Variants in FZD3 observed in about 807,000 individuals in gnomAD.
FZD3 encodes frizzled class receptor 3.
FZD3 carries 30 observed loss-of-function variants against 60.7 expected under a neutral mutation model. The observed-to-expected ratio is 0.49, with a 90% CI of 0.37 to 0.67. The LOEUF is 0.67. Among genes scored for constraint, FZD3 ranks in the 30% least tolerant of loss-of-function variants. The probability of loss-of-function intolerance (pLI) is 0.00; values close to 1 mark genes in which losing one functional copy is unlikely to be tolerated. For synonymous variants in FZD3, 246 were observed against 275.2 expected, an observed-to-expected ratio of 0.89 and a Z score of 1.05; for missense variants, 605 against 838.7, an observed-to-expected ratio of 0.72 and a Z score of 3.44.
rs949057499 is a variant in FZD3, at chr8:28,537,922, G to A, written c.1404+9758G>A. Among the ~76,000 whole-genome samples the A allele has an allele frequency of 1.6e-4, 25 of 152,064 alleles. No individual in the cohort carries two copies. The East Asian group carries it at 4.1e-3, about 25-fold the overall frequency. On this transcript the variant is annotated intron_variant, in intron 5 of 7. Transcript: ENST00000240093. ...ACCTGAGGTCAGGAGTTCAAGACTAGCCTGACCAATATGGTGAAACCCCGA... is the reference window on the plus strand; with the variant it reads ...ACCTGAGGTCAGGAGTTCAAGACTAACCTGACCAATATGGTGAAACCCCGA...
At chr8:28,522,114 T>C (rs1041280824) in intron 4 of FZD3, among the ~76,000 whole-genome samples, 4 of 151,114 alleles carry the variant, frequency 2.6e-5, no homozygotes, top group South Asian at 4.2e-4. Flanking sequence ...CTTTTTTTTT[T>C]TTTTTTTTGA....
At chr8:28,530,089 CTGTGTGTGTGTGTGTGTG>C (rs59022036) in intron 5 of FZD3, among the ~76,000 whole-genome samples, 5,039 of 138,542 alleles carry the variant, frequency 0.036, 288 homozygotes, top group African/African-American at 0.12. Context: ...TGAAATATAT[CTGTGTGTGTGTGTGTGTG>C]TGTGTGTGTG....
In FZD3 at chr8:28,502,837, C is replaced by T. The variant is rs997519243; in HGVS notation, c.-177C>T. The T allele has an allele frequency of 2.4e-6, 1 of 413,240 alleles. No individual in the cohort carries two copies. Among genetic ancestry groups the T allele is most frequent in the Admixed American group, 4.2e-5 (1 of 23,822 alleles). 25.6% of individuals were successfully genotyped at this position (413,240 alleles called of 1,614,324 possible). A position where few individuals can be genotyped will look rare whatever the true frequency, so the allele number is the denominator to read the frequency against. On this transcript the variant is annotated 5_prime_UTR_variant, in exon 3 of 8. Coordinates refer to ENST00000240093, the MANE Select transcript of FZD3 (RefSeq NM_017412.4). ...ATATTGTGAAACCAAAAACAAACGC[C>T]TTTTGTGAGACCAAGCTAACAAACC...
At chr8:28,500,134 C>T (rs1803950022) in intron 2 of FZD3, among the ~76,000 whole-genome samples, 156 bp downstream of exon 2, 1 of 152,158 alleles carries the variant, frequency 6.6e-6, no homozygotes, top group Admixed American at 6.5e-5. Context: ...TCACTGAATT[C>T]CACTGCTGTT....
At position 28,562,811 on chromosome 8, in the gene FZD3, A is replaced by G; in HGVS notation, c.1801A>G (p.Ser601Gly). The G allele has an allele frequency of 6.2e-7, 1 of 1,606,068 alleles. No homozygotes were observed. Among genetic ancestry groups the G allele is most frequent in the Non-Finnish European group, 8.5e-7 (1 of 1,173,810 alleles). ...CTCTCATGACAGGTACACGCCCTGC[A>G]GTTACAGAGGAATGGAGGAGAGACT... ...RSRDGRYTPC[S>G]YRGMEERLPH... Residue 601 changes from serine (S) to glycine (G), a missense_variant, in exon 8 of 8, where the codon AGT becomes GGT. Physicochemically the swap from Ser to Gly is moderately conservative, Grantham distance 56. Coordinates refer to ENST00000240093, the MANE Select transcript of FZD3 (RefSeq NM_017412.4).
At chr8:28,535,650 T>A (rs1306233188) in intron 5 of FZD3, among the ~76,000 whole-genome samples, 1 of 152,164 alleles carries the variant, frequency 6.6e-6, no homozygotes, top group Non-Finnish European at 1.5e-5. Context: ...AAAAGTAGTA[T>A]TGAATGCCTA....
chr8:28,527,760 A>G lies in FZD3; in HGVS notation c.1000A>G (p.Ser334Gly). The G allele has an allele frequency of 6.2e-7, 1 of 1,614,198 alleles. No individual in the cohort carries two copies. Among genetic ancestry groups the G allele is most frequent in the South Asian group, 1.1e-5 (1 of 91,084 alleles). The change falls in exon 5 of 8, where the codon AGT becomes GGT. Residue 334 changes from serine (S) to glycine (G), a missense_variant. By Grantham distance (56) the Ser-to-Gly change is moderately conservative. Transcript: ENST00000240093. This position sits in a 1 kb window ranked among gnomAD's most constrained non-coding sequence, Gnocchi z 5.0. ...IEKKALLFHA[S>G]AWGIPGTLTI... ...GAAGAAAGCATTGCTGTTTCACGCC[A>G]GTGCATGGGGCATCCCCGGAACTCT...
intron 3 of FZD3, among the ~76,000 whole-genome samples, chr8:28,507,789 ATTTT>A (rs71222555): frequency 6.8e-6 from 1 of 146,830 alleles, no homozygotes; most frequent in African/African-American, 2.5e-5. Flanking sequence ...GAACTCAAGG[ATTTT>A]TTTTTTTTTT....
rs559605730 is a variant in FZD3 at position 28,573,426 on chromosome 8, A to T, written c.*10415A>T. 6.6e-6 allele frequency: 1 copy of T among 152,040 alleles called. No homozygotes were observed. The highest frequency in any genetic ancestry group is 1.9e-4 in the East Asian group (1 of 5,190). The allele number at this position is 152,040 out of a possible 1,614,324, so 9.4% of individuals were successfully genotyped here. A position where few individuals can be genotyped will look rare whatever the true frequency, so the allele number is the denominator to read the frequency against. ...CTATTTTGAGGCAAGAGATACCATT[A>T]AGTGACCTAGCTTGGAAATCTGCCC... On this transcript the variant is annotated 3_prime_UTR_variant, in exon 8 of 8. Transcript: ENST00000240093.
intron 3 of FZD3, among the ~76,000 whole-genome samples, chr8:28,517,933 T>G (rs1804474968): frequency 6.6e-6 from 1 of 152,208 alleles, no homozygotes; most frequent in African/African-American, 2.4e-5. Context: ...TTTTACTAAG[T>G]GCTAGACGTT....
intron 3 of FZD3, among the ~76,000 whole-genome samples, chr8:28,503,611 A>C (rs1046199594): frequency 1.3e-5 from 2 of 152,214 alleles, no homozygotes; most frequent in African/African-American, 4.8e-5. Flanking sequence ...GACATTTCTT[A>C]ATTATTTTAG....
chr8:28,494,591 C>T (rs1803785799), intron 1 of FZD3, among the ~76,000 whole-genome samples: 1 of 151,920 alleles, frequency 6.6e-6, no homozygotes. Context: ...CGGCTGGGGG[C>T]CTCGGGGACG....
rs570707638 is a variant in FZD3 at position 28,572,065 on chromosome 8, A to G, written c.*9054A>G. The G allele has an allele frequency of 6.6e-6, 1 of 151,884 alleles. No homozygotes were observed. Among genetic ancestry groups the G allele is most frequent in the East Asian group, 1.9e-4 (1 of 5,182 alleles). 9.4% of individuals were successfully genotyped at this position (151,884 alleles called of 1,614,324 possible). On this transcript the variant is annotated 3_prime_UTR_variant, in exon 8 of 8. Coordinates refer to ENST00000240093, the MANE Select transcript of FZD3 (RefSeq NM_017412.4). ...GTGTTTTTTGAGGCTTTTTTGTTTTATCTTGTTTTCTTAACTTTTTACAGT... is the reference window on the plus strand; with the variant it reads ...GTGTTTTTTGAGGCTTTTTTGTTTTGTCTTGTTTTCTTAACTTTTTACAGT...
At chr8:28,546,944 T>C (rs921077325) in intron 5 of FZD3, among the ~76,000 whole-genome samples, 1 of 149,428 alleles carries the variant, frequency 6.7e-6, no homozygotes, top group Non-Finnish European at 1.5e-5. Flanking sequence ...CACTCCAGCC[T>C]GGGCGACAGA....
At chr8:28,536,694 G>A (rs1805024263) in intron 5 of FZD3, among the ~76,000 whole-genome samples, 1 of 151,964 alleles carries the variant, frequency 6.6e-6, no homozygotes, top group Non-Finnish European at 1.5e-5. Flanking sequence ...GGGCGACAGG[G>A]AGACCCTGTC....
intron 3 of FZD3, among the ~76,000 whole-genome samples, chr8:28,515,591 A>G (rs966807633): frequency 6.6e-6 from 1 of 152,184 alleles, no homozygotes; most frequent in Non-Finnish European, 1.5e-5. Context: ...CTGGAGTTGT[A>G]TGCATGCTCA....
At position 28,570,084 on chromosome 8, in the gene FZD3, G is replaced by GA. The variant is rs1246833678; in HGVS notation, c.*7075dup. 9 of 152,216 alleles carry GA rather than the reference G, an allele frequency of 5.9e-5. No homozygotes were observed. Among genetic ancestry groups the GA allele is most frequent in the African/African-American group, 1.9e-4 (8 of 41,452 alleles). The allele number at this position is 152,216 out of a possible 1,614,324, so 9.4% of individuals were successfully genotyped here. ...AGTTGCCAGATTGCCATGGGCAAGTGAATGTCTTCATTTGAAATATTATTA... is the reference window on the plus strand; with the variant it reads ...AGTTGCCAGATTGCCATGGGCAAGTGAAATGTCTTCATTTGAAATATTATTA... On this transcript the variant is annotated 3_prime_UTR_variant, in exon 8 of 8. Coordinates refer to ENST00000240093, the MANE Select transcript of FZD3 (RefSeq NM_017412.4).
intron 7 of FZD3, among the ~76,000 whole-genome samples, chr8:28,562,237 A>C (rs975414744): frequency 2.6e-5 from 4 of 152,218 alleles, no homozygotes; most frequent in Non-Finnish European, 5.9e-5. Context: ...TAGTTAATTC[A>C]GTTGTTAACT....
chr8:28,512,619 C>CTTTTTT (rs970159111), intron 3 of FZD3, among the ~76,000 whole-genome samples: 2 of 151,866 alleles, frequency 1.3e-5, no homozygotes, highest in African/African-American at 4.8e-5. Context: ...TTCAACTGTC[C>CTTTTTT]TTTTTTGCTC....
Sources: gnomAD v4.1 joint callset for allele counts (sites outside exome capture counted in the v4.1 genomes callset) on GRCh38, gnomAD v4.1.1 for gene constraint, Gnocchi (gnomAD v3.1) non-coding constraint, MANE v1.5 for transcripts, NCBI Gene and HGNC (gene_info 2026-07-23, HGNC 2026-07-21) for gene names.